Variants in ANAPC7 observed in about 807,000 individuals in gnomAD.
The protein encoded by ANAPC7 is anaphase-promoting complex subunit 7.
In ANAPC7, 25 loss-of-function variants were observed where a neutral mutation model predicts 63.3. The ratio of observed to expected loss-of-function variants is 0.39; its 90% CI spans 0.29 to 0.55. The LOEUF (loss-of-function observed/expected upper bound fraction) is 0.55, where lower values mean the gene tolerates loss of function less well. Among genes scored for constraint, ANAPC7 ranks in the 20% least tolerant of loss-of-function variants. The pLI, the probability that ANAPC7 is intolerant of heterozygous loss-of-function variation, is 0.57. For synonymous variants in ANAPC7, 241 were observed against 251.7 expected (o/e 0.96, Z 0.40); for missense variants, 516 against 691.7 (o/e 0.75, Z 2.85).
chr12:110,399,813 G>A (rs1335453387), intron 1 of ANAPC7, among the ~76,000 whole-genome samples: 6 of 147,872 alleles, frequency 4.1e-5, no homozygotes, highest in Admixed American at 3.4e-4. Context: ...AAAAAAAAAG[G>A]GGCCAGGCGC....
chr12:110,375,746 A>G (rs1045262702), intron 10 of ANAPC7: 2 of 994,200 alleles, frequency 2.0e-6, no homozygotes, highest in African/African-American at 3.5e-5. Flanking sequence ...AAAGAAGAAT[A>G]TAAAATATAT....
chr12:110,397,671 G>A (rs1185240474), intron 1 of ANAPC7, among the ~76,000 whole-genome samples: 6 of 152,180 alleles, frequency 3.9e-5, no homozygotes, highest in Admixed American at 3.9e-4. Flanking sequence ...ACCAAGGCAG[G>A]CGGATCACCT....
At chr12:110,383,518 C>T (rs1407520152) in intron 6 of ANAPC7, among the ~76,000 whole-genome samples, 1 of 152,054 alleles carries the variant, frequency 6.6e-6, no homozygotes, top group Admixed American at 6.6e-5. Context: ...GCAGGAGGAT[C>T]ACCTGGGCCC....
At chr12:110,387,331 GAGAGGCAGAGAGAGAGAGAGAC>G (rs1882643734) in intron 5 of ANAPC7, 1 of 102,592 alleles carries the variant, frequency 9.7e-6, no homozygotes, top group Non-Finnish European at 2.1e-5. Context: ...GAGAGAGAGA[GAGAGGCAGAGAGAGAGAGAGAC>G]AGAGAGAGAG....
intron 5 of ANAPC7, chr12:110,387,233 GAGAGAC>G (rs749408620): frequency 0.049 from 4,727 of 96,142 alleles, 217 homozygotes; most frequent in Non-Finnish European, 0.072. Context: ...GAGAGAGAGA[GAGAGAC>G]AGAGAGACAG....
At chr12:110,401,618 C>T (rs563858738) in intron 1 of ANAPC7, among the ~76,000 whole-genome samples, 1 of 152,014 alleles carries the variant, frequency 6.6e-6, no homozygotes, top group Non-Finnish European at 1.5e-5. Flanking sequence ...AGGCCAGAAG[C>T]GATGGTTCAC....
intron 5 of ANAPC7, chr12:110,387,405 G>T (rs1004472573): frequency 8.4e-6 from 1 of 119,162 alleles, no homozygotes; most frequent in African/African-American, 4.7e-5. Flanking sequence ...GAGAGAGAGA[G>T]AGAGAGAGAG....
chr12:110,383,109 C>T (rs751529559), intron 6 of ANAPC7, 149 bp from the exon 7 acceptor site: 14 of 591,024 alleles, frequency 2.4e-5, no homozygotes, highest in Middle Eastern at 4.8e-4. Context: ...GCTCCTCCAA[C>T]TACTATTTCC....
At chr12:110,396,755 T>C (rs1385821077) in intron 1 of ANAPC7, among the ~76,000 whole-genome samples, 1 of 151,890 alleles carries the variant, frequency 6.6e-6, no homozygotes, top group African/African-American at 2.4e-5. Context: ...CCTCAAGTGA[T>C]CTACCTGCGT....
chr12:110,375,594 CTAGA>C, intron 10 of ANAPC7: 20 of 763,608 alleles, frequency 2.6e-5, no homozygotes, highest in Non-Finnish European at 3.2e-5. Flanking sequence ...AATAAGGTAG[CTAGA>C]TATAGACAAG....
At chr12:110,390,101 G>T (rs572810260) in intron 3 of ANAPC7, among the ~76,000 whole-genome samples, 4 of 151,364 alleles carry the variant, frequency 2.6e-5, no homozygotes, top group Non-Finnish European at 5.9e-5. Context: ...GGAGTTTCAC[G>T]CTTGTCACCC....
chr12:110,388,713 T>G lies in ANAPC7; in HGVS notation c.409-90A>C, dbSNP rs1169673826. 1.7e-5 allele frequency: 16 copies of G among 935,178 alleles called. No individual in the cohort carries two copies. The East Asian group carries it at 3.0e-4, about 18-fold the overall frequency. The allele number at this position is 935,178 out of a possible 1,614,324, so 57.9% of individuals were successfully genotyped here. ...AAAAAGTCCTAATTTTCATTACCAG[T>G]TATTTACTTTTTACTGGAAAATCTA... is the stretch of plus-strand genomic sequence containing the variant. On this transcript the variant is annotated intron_variant, in intron 3 of 10. Coordinates refer to ENST00000455511, the MANE Select transcript of ANAPC7 (RefSeq NM_016238.3).
rs1164666075 is a variant in ANAPC7, at chr12:110,403,657, G to T, written c.-30C>A. ...CTCTGCAAAGCCGCGGGCAGCGGCG[G>T]CAGCACTGACTCGAAAAGCCGGTAG... On this transcript the variant is annotated 5_prime_UTR_variant, in exon 1 of 11. Coordinates refer to ENST00000455511, the MANE Select transcript of ANAPC7 (RefSeq NM_016238.3). 6 of 1,570,592 alleles carry T rather than the reference G, an allele frequency of 3.8e-6. No homozygotes were observed. The highest frequency in any genetic ancestry group is 4.7e-5 in the East Asian group (2 of 42,728).
At chr12:110,376,396 C>T (rs1336809357) in intron 9 of ANAPC7, among the ~76,000 whole-genome samples, 180 bp from the exon 10 acceptor site, 3 of 151,544 alleles carry the variant, frequency 2.0e-5, no homozygotes, top group Admixed American at 6.6e-5. Context: ...AGTGAAACCC[C>T]GTCTCTACTA....
At chr12:110,388,036 A>C (rs1169872775) in intron 4 of ANAPC7, 144 bp from the exon 5 acceptor site, 5 of 879,352 alleles carry the variant, frequency 5.7e-6, no homozygotes, top group African/African-American at 1.7e-5. Flanking sequence ...ACCATAATTT[A>C]GTATTTCTTT....
intron 1 of ANAPC7, among the ~76,000 whole-genome samples, chr12:110,400,933 C>G (rs1352893926): frequency 1.3e-5 from 2 of 151,794 alleles, no homozygotes; most frequent in Non-Finnish European, 2.9e-5. Flanking sequence ...ATCTGTAATC[C>G]CTGCTACTCA....
chr12:110,390,072 AG>A (rs1882970887), intron 3 of ANAPC7, among the ~76,000 whole-genome samples: 1 of 152,010 alleles, frequency 6.6e-6, no homozygotes, highest in African/African-American at 2.4e-5. Flanking sequence ...ATTTAAAATT[AG>A]ATTTTTTTTT....
intron 8 of ANAPC7, chr12:110,378,103 A>AT (rs1434068723): frequency 1.9e-5 from 3 of 155,626 alleles, no homozygotes; most frequent in Non-Finnish European, 1.4e-5. Flanking sequence ...TTTATTATTT[A>AT]TTTTTTTTGC....
intron 1 of ANAPC7, among the ~76,000 whole-genome samples, chr12:110,402,455 G>A (rs1592936521): frequency 6.6e-6 from 1 of 151,520 alleles, no homozygotes. Flanking sequence ...TCAGCCTCCC[G>A]AGTAGCTGGG....
Sources: gnomAD v4.1 joint callset for allele counts (sites outside exome capture counted in the v4.1 genomes callset) on GRCh38, gnomAD v4.1.1 for gene constraint, MANE v1.5 for transcripts, NCBI Gene and HGNC (gene_info 2026-07-23, HGNC 2026-07-21) for gene names.